SIPA1L1: variants seen among roughly 807,000 people sequenced by gnomAD.
The protein encoded by SIPA1L1 is signal induced proliferation associated 1 like 1, also known as signal-induced proliferation-associated 1-like protein 1.
A neutral mutation model predicts 162.7 loss-of-function variants in SIPA1L1; 26 were observed. That is an observed-to-expected ratio of 0.16 (90% CI 0.12 to 0.22). SIPA1L1 has a LOEUF of 0.22. SIPA1L1 is among the 10% of genes least tolerant of loss of function. The pLI is 1.00. For synonymous variants in SIPA1L1, 829 were observed against 837.4 expected, an observed-to-expected ratio of 0.99 and a Z score of 0.17; for missense variants, 1,874 against 2,241.0, an observed-to-expected ratio of 0.84 and a Z score of 3.31.
At chr14:71,658,297 A>C in intron 8 of SIPA1L1, 36 bp from the exon 9 acceptor site, 2 of 965,594 alleles carry the variant, frequency 2.1e-6, no homozygotes, top group Non-Finnish European at 3.3e-6. Context: ...TTTTCCTGTT[A>C]TAGTCATCTC....
At chr14:71,541,493 C>G (rs2054378530) in intron 4 of SIPA1L1, among the ~76,000 whole-genome samples, 1 of 152,134 alleles carries the variant, frequency 6.6e-6, no homozygotes. Flanking sequence ...GAAGCGGCAG[C>G]TCATGCCTAT....
Position 71,588,448 on chromosome 14 carries a change from C to G in SIPA1L1, c.576C>G (p.Ile192Met). 1.9e-6 allele frequency: 3 copies of G among 1,613,876 alleles called. No homozygotes were observed. The highest frequency in any genetic ancestry group is 2.5e-6 in the Non-Finnish European group (3 of 1,179,742). ...ELDVDSFDEC[I>M]SPTYKTGPSL... ...ATGTGGATAGCTTTGATGAATGTAT[C>G]TCACCTACATACAAGACTGGACCAT... The change falls in exon 5 of 24, where the codon ATC (isoleucine) becomes ATG (methionine). Residue 192 changes from isoleucine to methionine, a missense_variant. By Grantham distance (10) the Ile-to-Met change is conservative. Transcript: ENST00000381232. This position sits in a 1 kb window ranked among gnomAD's most constrained non-coding sequence, Gnocchi z 4.3.
intron 2 of SIPA1L1, among the ~76,000 whole-genome samples, chr14:71,495,262 T>C (rs989641674): frequency 3.3e-5 from 5 of 152,134 alleles, no homozygotes; most frequent in African/African-American, 1.2e-4. Flanking sequence ...TGGTATTTTC[T>C]TTTTGGGAAG....
intron 7 of SIPA1L1, 44 bp from the exon 8 acceptor site, chr14:71,650,291 G>A: frequency 6.2e-7 from 1 of 1,602,572 alleles, no homozygotes; most frequent in Non-Finnish European, 8.5e-7. Flanking sequence ...GGGACAAAGT[G>A]GATCTGCCTA....
chr14:71,565,879 T>C (rs1419617291), intron 4 of SIPA1L1, among the ~76,000 whole-genome samples: 2 of 152,132 alleles, frequency 1.3e-5, no homozygotes, highest in Non-Finnish European at 2.9e-5. Context: ...TCCTCTGAAG[T>C]CCTTGTGCTT....
At chr14:71,555,501 T>G in intron 4 of SIPA1L1, among the ~76,000 whole-genome samples, 1 of 152,210 alleles carries the variant, frequency 6.6e-6, no homozygotes, top group East Asian at 1.9e-4. Flanking sequence ...CACTAAAACT[T>G]TCCATCTCAG....
intron 15 of SIPA1L1, chr14:71,704,762 C>T: frequency 6.2e-7 from 1 of 1,612,294 alleles, no homozygotes. Context: ...TTCTTTTGTC[C>T]TCGAGCAGCA....
chr14:71,503,229 A>G (rs922532610), intron 2 of SIPA1L1, among the ~76,000 whole-genome samples: 3 of 152,230 alleles, frequency 2.0e-5, no homozygotes, highest in Non-Finnish European at 4.4e-5. Context: ...TGCATGTGAA[A>G]GTAAATTACA....
At chr14:71,666,281 G>T (rs2043995634) in intron 10 of SIPA1L1, among the ~76,000 whole-genome samples, 1 of 152,178 alleles carries the variant, frequency 6.6e-6, no homozygotes, top group Admixed American at 6.5e-5. Context: ...ACAAAATTCA[G>T]ACCCTGAATA....
chr14:71,661,980 T>A (rs1179313081), intron 10 of SIPA1L1, among the ~76,000 whole-genome samples: 1 of 152,228 alleles, frequency 6.6e-6, no homozygotes, highest in Non-Finnish European at 1.5e-5. Context: ...CGTAGTCACA[T>A]GAGTATCAGA....
chr14:71,682,984 T>C (rs1021364837), intron 12 of SIPA1L1, among the ~76,000 whole-genome samples: 1 of 152,090 alleles, frequency 6.6e-6, no homozygotes, highest in Admixed American at 6.6e-5. Flanking sequence ...TGAAACCCTG[T>C]CTCGACAAAC....
rs2037223521 is a variant in SIPA1L1 at position 71,604,337 on chromosome 14, C to T, written c.1499-14420C>T. Among the ~76,000 whole-genome samples the T allele has an allele frequency of 2.0e-5, 3 of 152,070 alleles. No individual in the cohort carries two copies. The South Asian group carries it at 6.2e-4, about 32-fold the overall frequency. On this transcript the variant is annotated intron_variant, in intron 5 of 23. Coordinates refer to ENST00000381232, the MANE Select transcript of SIPA1L1 (RefSeq NM_001386936.1). Reference sequence around the variant, plus strand: ...AAAAATTTGTTTCTAGGGATGAAGTCTCACTATGTTGCCCAAGCTGGTCTC... The same window carrying T: ...AAAAATTTGTTTCTAGGGATGAAGTTTCACTATGTTGCCCAAGCTGGTCTC...
In SIPA1L1 at chr14:71,445,080, A is replaced by T. The variant is rs543939688; in HGVS notation, c.-464-67663A>T. ...AGCATTTTATTTGGAGAAAGAAAAC[A>T]TGTTCATATGAAATAATTATAGTTA... On this transcript the variant is annotated intron_variant, in intron 2 of 23. Transcript: ENST00000381232. Among the ~76,000 whole-genome samples, 6 of 152,358 alleles carry T rather than the reference A, an allele frequency of 3.9e-5. No homozygotes were observed. In the South Asian group the frequency reaches 1.2e-3, roughly 32 times the overall value.
chr14:71,718,579 G>C (rs906650387), intron 17 of SIPA1L1, among the ~76,000 whole-genome samples: 2 of 152,202 alleles, frequency 1.3e-5, no homozygotes, highest in South Asian at 4.1e-4. Context: ...AAGCCCAGGA[G>C]GCTGAGGCTA....
At chr14:71,387,732 G>T (rs1216613793) in intron 2 of SIPA1L1, among the ~76,000 whole-genome samples, 1 of 152,202 alleles carries the variant, frequency 6.6e-6, no homozygotes, top group Non-Finnish European at 1.5e-5. Context: ...TGTTCTACAC[G>T]TGGAGAATTG....
chr14:71,406,800 T>G (rs992796862), intron 2 of SIPA1L1, among the ~76,000 whole-genome samples: 1 of 152,262 alleles, frequency 6.6e-6, no homozygotes, highest in Admixed American at 6.5e-5. Context: ...TTGTGACCAC[T>G]TAGGCTTAGT....
chr14:71,590,291 A>G (rs1329615064), intron 5 of SIPA1L1, among the ~76,000 whole-genome samples: 1 of 151,952 alleles, frequency 6.6e-6, no homozygotes, highest in African/African-American at 2.4e-5. Flanking sequence ...TTACCCACGA[A>G]GGACATACCT....
chr14:71,499,150 A>G (rs965945299), intron 2 of SIPA1L1, among the ~76,000 whole-genome samples: 4 of 152,218 alleles, frequency 2.6e-5, no homozygotes, highest in Non-Finnish European at 5.9e-5. Flanking sequence ...TGCTTTTATT[A>G]TAAATAAAAC....
intron 4 of SIPA1L1, among the ~76,000 whole-genome samples, chr14:71,549,834 C>T (rs192761608): frequency 3.9e-5 from 6 of 152,022 alleles, no homozygotes; most frequent in Admixed American, 3.9e-4. Flanking sequence ...TTTTTAATTG[C>T]GGAAGTTGAC....
Sources: gnomAD v4.1 joint callset for allele counts (sites outside exome capture counted in the v4.1 genomes callset) on GRCh38, gnomAD v4.1.1 for gene constraint, Gnocchi (gnomAD v3.1) non-coding constraint, MANE v1.5 for transcripts, NCBI Gene and HGNC (gene_info 2026-07-23, HGNC 2026-07-21) for gene names.